GNG4: variants seen among roughly 807,000 people sequenced by gnomAD.
GNG4 encodes G protein subunit gamma 4.
In GNG4, 4 loss-of-function variants were observed where a neutral mutation model predicts 5.8. The observed-to-expected ratio is 0.69, with a 90% CI of 0.34 to 1.57. The LOEUF is 1.57. GNG4 is among the 40% of genes most tolerant of loss of function. GNG4 has a pLI of 0.06. For synonymous variants in GNG4, 29 were observed against 32.9 expected (o/e 0.88, Z 0.41); for missense variants, 96 against 95.1 (o/e 1.01, Z -0.04).
chr1:235,632,721 C>T (rs1424600971), intron 1 of GNG4, among the ~76,000 whole-genome samples: 1 of 152,114 alleles, frequency 6.6e-6, no homozygotes, highest in African/African-American at 2.4e-5. Context: ...GGGAACAAAA[C>T]CAAGATGACG....
chr1:235,583,970 T>C (rs553455282), intron 2 of GNG4, 122 bp from the exon 3 acceptor site: 12 of 543,462 alleles, frequency 2.2e-5, no homozygotes, highest in Admixed American at 1.9e-4. Flanking sequence ...ATGGACAGCA[T>C]TTGGTAGAAA....
chr1:235,594,338 TC>T (rs1314319395), intron 2 of GNG4, among the ~76,000 whole-genome samples: 1 of 152,088 alleles, frequency 6.6e-6, no homozygotes, highest in Non-Finnish European at 1.5e-5. Context: ...TTTCTCCAAG[TC>T]CCCACCAGAC....
chr1:235,566,387 A>G (rs914985077), intron 3 of GNG4, among the ~76,000 whole-genome samples: 1 of 152,186 alleles, frequency 6.6e-6, no homozygotes, highest in Non-Finnish European at 1.5e-5. Flanking sequence ...TCAACTGCGC[A>G]TGCAAGGAAT....
chr1:235,574,452 C>T (rs1687426397), intron 3 of GNG4, among the ~76,000 whole-genome samples: 1 of 152,046 alleles, frequency 6.6e-6, no homozygotes, highest in East Asian at 1.9e-4. Flanking sequence ...CATTAAAGGC[C>T]CCTGAAAAGG....
rs1214967640 is a variant in GNG4, at chr1:235,644,790, C to T, written c.-123+4872G>A. Among the ~76,000 whole-genome samples, 1 of 152,182 alleles carries T rather than the reference C, an allele frequency of 6.6e-6. No individual in the cohort carries two copies. The highest frequency in any genetic ancestry group is 1.5e-5 in the Non-Finnish European group (1 of 68,030). ...ATTTCCATCCAGGGTCTGTGCAGGGCGGGTACCCCAGAGCCGCAGGGCAGG... is the reference window on the plus strand; with the variant it reads ...ATTTCCATCCAGGGTCTGTGCAGGGTGGGTACCCCAGAGCCGCAGGGCAGG... On this transcript the variant is annotated intron_variant, in intron 1 of 3. Coordinates refer to ENST00000391854, the MANE Select transcript of GNG4 (RefSeq NM_001098722.2). The surrounding 1 kb of genome is among the most constrained non-coding windows in gnomAD (Gnocchi z 5.9).
rs112362239 is a variant in GNG4, at chr1:235,589,486, G to A, written c.-10-5638C>T. Among the ~76,000 whole-genome samples, 1,005 of 152,298 alleles carry A rather than the reference G, an allele frequency of 6.6e-3. 7 individuals carry two copies. The highest frequency in any genetic ancestry group is 0.023 in the African/African-American group (955 of 41,556). Reference sequence around the variant, plus strand: ...AGTCAGCTGCTGAGAGACCTGTTGAGTAAAACTACATTTCACCTGCTTATG... The same window carrying A: ...AGTCAGCTGCTGAGAGACCTGTTGAATAAAACTACATTTCACCTGCTTATG... On this transcript the variant is annotated intron_variant, in intron 2 of 3. Transcript: ENST00000391854.
intron 2 of GNG4, among the ~76,000 whole-genome samples, chr1:235,588,272 T>C (rs1687874427): frequency 6.6e-6 from 1 of 151,968 alleles, no homozygotes; most frequent in African/African-American, 2.4e-5. Context: ...GGGGGTTCCA[T>C]CCCTCCATGG....
At position 235,561,166 on chromosome 1, in the gene GNG4, C is replaced by T. The variant is rs929527037; in HGVS notation, c.100-8929G>A. On this transcript the variant is annotated intron_variant, in intron 3 of 3. Coordinates refer to ENST00000391854, the MANE Select transcript of GNG4 (RefSeq NM_001098722.2). ...CTGGGACTACAGGCGCCTGCCACCA[C>T]GGCCGGCTAATTTTTTGTATTTTTA... is the stretch of plus-strand genomic sequence containing the variant. Among the ~76,000 whole-genome samples the T allele has an allele frequency of 5.9e-5, 9 of 152,172 alleles. No homozygotes were observed. The East Asian group carries it at 9.7e-4, about 16-fold the overall frequency.
chr1:235,645,571 G>A (rs1657482108), intron 1 of GNG4, among the ~76,000 whole-genome samples: 2 of 152,156 alleles, frequency 1.3e-5, no homozygotes, highest in Admixed American at 6.5e-5. Flanking sequence ...GCCGAGTCAG[G>A]TGGATCACCT....
chr1:235,607,945 T>C (rs1211756106), intron 1 of GNG4, among the ~76,000 whole-genome samples: 3 of 151,268 alleles, frequency 2.0e-5, no homozygotes, highest in African/African-American at 4.9e-5. Flanking sequence ...CTATTTTTTT[T>C]TTTTTTTTTT....
chr1:235,552,690 C>A (rs1161220762), intron 3 of GNG4, among the ~76,000 whole-genome samples: 1 of 152,140 alleles, frequency 6.6e-6, no homozygotes, highest in Non-Finnish European at 1.5e-5. Flanking sequence ...CAGAGAGACA[C>A]TTCATCCTCC....
chr1:235,604,851 T>C (rs1688325968), intron 1 of GNG4, among the ~76,000 whole-genome samples: 1 of 152,146 alleles, frequency 6.6e-6, no homozygotes, highest in Non-Finnish European at 1.5e-5. Context: ...CTACAAAGAA[T>C]CAGATTTTGT....
intron 3 of GNG4, among the ~76,000 whole-genome samples, chr1:235,560,588 T>C (rs1180419462): frequency 1.3e-5 from 2 of 152,238 alleles, no homozygotes; most frequent in African/African-American, 2.4e-5. Flanking sequence ...TAATCCATTA[T>C]TCATTTGGCT....
intron 1 of GNG4, among the ~76,000 whole-genome samples, chr1:235,607,396 C>T (rs1203803517): frequency 6.6e-6 from 1 of 152,202 alleles, no homozygotes; most frequent in African/African-American, 2.4e-5. Flanking sequence ...TATGGTGTCA[C>T]CACCAACATC....
intron 2 of GNG4, among the ~76,000 whole-genome samples, chr1:235,586,577 A>G (rs1260645399): frequency 2.0e-5 from 3 of 152,192 alleles, no homozygotes; most frequent in Non-Finnish European, 4.4e-5. Context: ...GGTGGGAGGT[A>G]CTGGATCACG....
intron 3 of GNG4, among the ~76,000 whole-genome samples, 200 bp downstream of exon 3, chr1:235,583,540 T>C (rs1687694221): frequency 6.6e-6 from 1 of 152,224 alleles, no homozygotes; most frequent in African/African-American, 2.4e-5. Context: ...TCATGCACAC[T>C]GTGTATTTTG....
At chr1:235,633,179 T>C (rs1652308103) in intron 1 of GNG4, among the ~76,000 whole-genome samples, 1 of 152,208 alleles carries the variant, frequency 6.6e-6, no homozygotes, top group Non-Finnish European at 1.5e-5. Flanking sequence ...GTTGTTGTTT[T>C]AATGAGTGAC....
intron 3 of GNG4, among the ~76,000 whole-genome samples, chr1:235,579,444 A>C (rs997477956): frequency 1.3e-5 from 2 of 151,298 alleles, no homozygotes; most frequent in South Asian, 2.1e-4. Context: ...ATAAAAAAAA[A>C]CCCAGAAAAC....
chr1:235,564,520 C>T (rs907982215), intron 3 of GNG4, among the ~76,000 whole-genome samples: 2 of 152,180 alleles, frequency 1.3e-5, no homozygotes, highest in African/African-American at 4.8e-5. Context: ...GACTCTTGGA[C>T]TGACAGGTTG....
Sources: gnomAD v4.1 joint callset for allele counts (sites outside exome capture counted in the v4.1 genomes callset) on GRCh38, gnomAD v4.1.1 for gene constraint, Gnocchi (gnomAD v3.1) non-coding constraint, MANE v1.5 for transcripts, NCBI Gene and HGNC (gene_info 2026-07-23, HGNC 2026-07-21) for gene names.